Variants in ASRGL1 observed in about 807,000 individuals in gnomAD.
ASRGL1 encodes the protein isoaspartyl peptidase/L-asparaginase.
Under a neutral mutation model 22.4 loss-of-function variants are expected in ASRGL1, and 16 were observed. The ratio of observed to expected loss-of-function variants is 0.71; its 90% confidence interval spans 0.48 to 1.08. The LOEUF (loss-of-function observed/expected upper bound fraction) is 1.08, where lower values mean the gene tolerates loss of function less well. Among genes scored for constraint, ASRGL1 ranks in the 50% least tolerant of loss-of-function variants. The pLI is 0.00. For synonymous variants in ASRGL1, 165 were observed against 159.3 expected (o/e 1.04, Z -0.27); for missense variants, 412 against 410.1 (o/e 1.00, Z -0.04).
At chr11:62,396,878 T>G (rs1175149827), downstream of ASRGL1, among the ~76,000 whole-genome samples, 1 of 152,154 alleles carries the variant, frequency 6.6e-6, no homozygotes, top group African/African-American at 2.4e-5. Context: ...GTTAGAGTTC[T>G]TATCCACAGC....
At position 62,391,549 on chromosome 11, in the gene ASRGL1, T is replaced by G; in HGVS notation, c.638T>G (p.Ile213Ser). ...LGAGGYADND[I>S]GAVSTTGHGE... ...GCTGGAGGTTATGCCGACAATGACA[T>G]CGGAGCCGTCTCAACCACAGGGCAT... is the stretch of plus-strand genomic sequence containing the variant. Residue 213 changes from isoleucine (I) to serine (S), a missense_variant, in exon 6 of 7, where the codon ATC becomes AGC. Transcript: ENST00000415229. 1 of 1,612,406 alleles carries G rather than the reference T, an allele frequency of 6.2e-7. No homozygotes were observed.
downstream of ASRGL1, among the ~76,000 whole-genome samples, chr11:62,395,617 C>T (rs1452852559): frequency 6.6e-6 from 1 of 152,108 alleles, no homozygotes; most frequent in South Asian, 2.1e-4. Context: ...CTTCAGTGTC[C>T]TGTTGTCAGA....
chr11:62,376,338 G>T (rs1277958937), intron 4 of ASRGL1, among the ~76,000 whole-genome samples: 3 of 152,012 alleles, frequency 2.0e-5, no homozygotes, highest in African/African-American at 7.3e-5. Flanking sequence ...TGTCTCCGCG[G>T]AGGCGCTTTT....
Position 62,356,307 on chromosome 11 carries a change from A to G in ASRGL1, c.191-18A>G, listed in dbSNP as rs763962209. 6.8e-6 allele frequency: 11 copies of G among 1,611,562 alleles called. No individual in the cohort carries two copies. The Admixed American group carries it at 1.0e-4, about 15-fold the overall frequency. On this transcript the variant is annotated intron_variant, in intron 2 of 6. Coordinates refer to ENST00000415229, the MANE Select transcript of ASRGL1 (RefSeq NM_001083926.2). ...GTAAATTCTTAATTCTTGCTTTTCA[A>G]CTTCTTTTTGGTTTTAGGTTGTGGG...
At chr11:62,345,847 C>A (rs10897260) in intron 2 of ASRGL1, among the ~76,000 whole-genome samples, 1 of 151,982 alleles carries the variant, frequency 6.6e-6, no homozygotes, top group Admixed American at 6.6e-5. Flanking sequence ...AGGGTTCACA[C>A]TCCTATGAGA....
chr11:62,371,796 C>T, intron 4 of ASRGL1: 3 of 467,178 alleles, frequency 6.4e-6, no homozygotes, highest in East Asian at 9.3e-5. Context: ...ACTAAAAATA[C>T]AAAAAAAATT....
the ASRGL1 span, among the ~76,000 whole-genome samples, chr11:62,400,275 G>A: frequency 1.3e-5 from 2 of 152,222 alleles, no homozygotes; most frequent in South Asian, 2.1e-4. Context: ...TAACCTCTCT[G>A]AGAGGGTTGT....
intron 4 of ASRGL1, among the ~76,000 whole-genome samples, chr11:62,361,721 C>T (rs535175405): frequency 6.6e-4 from 100 of 152,032 alleles, no homozygotes; most frequent in African/African-American, 2.1e-3. Flanking sequence ...CTCCTGACCT[C>T]GTGATCTGCC....
chr11:62,349,754 A>G (rs1946126430), intron 2 of ASRGL1, among the ~76,000 whole-genome samples: 2 of 152,358 alleles, frequency 1.3e-5, no homozygotes, highest in African/African-American at 2.4e-5. Flanking sequence ...AAGTAAAGGA[A>G]TAAAGCATGG....
At chr11:62,344,433 T>G (rs543420008) in intron 2 of ASRGL1, among the ~76,000 whole-genome samples, 1 of 152,120 alleles carries the variant, frequency 6.6e-6, no homozygotes, top group Non-Finnish European at 1.5e-5. Context: ...GTTTATCAGT[T>G]TTTTTTTAAA....
intron 4 of ASRGL1, chr11:62,382,332 G>A (rs1947092021): frequency 6.6e-6 from 1 of 152,052 alleles, no homozygotes; most frequent in African/African-American, 2.4e-5. Flanking sequence ...TCTGGAGAGG[G>A]GGATGTGGCA....
At chr11:62,345,764 C>G (rs1565152982) in intron 2 of ASRGL1, among the ~76,000 whole-genome samples, 1 of 152,174 alleles carries the variant, frequency 6.6e-6, no homozygotes, top group Non-Finnish European at 1.5e-5. Context: ...GGTCCCCAAC[C>G]TTTTTGGCAC....
chr11:62,363,938 C>T (rs527924405), intron 4 of ASRGL1, among the ~76,000 whole-genome samples: 38 of 152,060 alleles, frequency 2.5e-4, no homozygotes, highest in Admixed American at 2.2e-3. Flanking sequence ...GGGTGGATTG[C>T]CTGAGCTCAG....
intron 5 of ASRGL1, among the ~76,000 whole-genome samples, chr11:62,390,814 A>G (rs1176156443): frequency 1.3e-5 from 2 of 152,208 alleles, no homozygotes; most frequent in African/African-American, 4.8e-5. Flanking sequence ...GCAAATGTCA[A>G]TCTTCTGTGC....
chr11:62,380,236 C>G (rs1012939084), intron 4 of ASRGL1, among the ~76,000 whole-genome samples: 1 of 152,120 alleles, frequency 6.6e-6, no homozygotes, highest in South Asian at 2.1e-4. Flanking sequence ...GGCTTAGTGG[C>G]TGATTGACAC....
intron 2 of ASRGL1, among the ~76,000 whole-genome samples, chr11:62,352,154 A>G (rs1024098341): frequency 6.6e-6 from 1 of 152,228 alleles, no homozygotes; most frequent in African/African-American, 2.4e-5. Context: ...AAGTGAGGTC[A>G]TAAGGATGGA....
At chr11:62,356,593 AATGTAT>A in intron 3 of ASRGL1, 126 bp downstream of exon 3, 2 of 1,212,618 alleles carry the variant, frequency 1.6e-6, no homozygotes, top group South Asian at 2.9e-5. Flanking sequence ...AAACAGATGC[AATGTAT>A]TTGAGTTTCT....
intron 4 of ASRGL1, chr11:62,372,628 A>G: frequency 1.1e-6 from 1 of 901,246 alleles, no homozygotes. Flanking sequence ...GGCGCTAACC[A>G]CATGCTGGTC....
At chr11:62,351,452 C>G (rs529711915) in intron 2 of ASRGL1, among the ~76,000 whole-genome samples, 2 of 152,194 alleles carry the variant, frequency 1.3e-5, no homozygotes, top group African/African-American at 2.4e-5. Flanking sequence ...GAGTTCGAGA[C>G]CAGCCTGGCC....
Sources: gnomAD v4.1 joint callset for allele counts (sites outside exome capture counted in the v4.1 genomes callset) on GRCh38, gnomAD v4.1.1 for gene constraint, MANE v1.5 for transcripts, NCBI Gene and HGNC (gene_info 2026-07-23, HGNC 2026-07-21) for gene names.